ZNF507: variants seen among roughly 807,000 people sequenced by gnomAD.
ZNF507 encodes zinc finger protein 507.
In ZNF507, 29 loss-of-function variants were observed where a neutral mutation model predicts 80.0. The observed-to-expected ratio is 0.36, with a 90% CI of 0.27 to 0.49. The LOEUF (loss-of-function observed/expected upper bound fraction) is 0.49. Ranked by LOEUF, ZNF507 falls within the 20% of genes least tolerant of loss-of-function variation. ZNF507 has a pLI of 0.98. For synonymous variants in ZNF507, 462 were observed against 422.5 expected (o/e 1.09, Z -1.15); for missense variants, 1,081 against 1,152.2 (o/e 0.94, Z 0.90).
At chr19:32,366,668 C>A (rs1967403381) in intron 5 of ZNF507, among the ~76,000 whole-genome samples, 1 of 152,192 alleles carries the variant, frequency 6.6e-6, no homozygotes, top group Non-Finnish European at 1.5e-5. Context: ...ACCATTTTAA[C>A]ATTCTTTTAC....
intron 4 of ZNF507, chr19:32,357,780 C>G (rs1457002463): frequency 6.6e-6 from 1 of 152,096 alleles, no homozygotes; most frequent in East Asian, 1.9e-4. Flanking sequence ...TTCCATATCC[C>G]CTTTAAAGGA....
intron 5 of ZNF507, among the ~76,000 whole-genome samples, chr19:32,363,766 C>T (rs933459624): frequency 7.9e-5 from 12 of 152,188 alleles, no homozygotes; most frequent in African/African-American, 1.7e-4. Flanking sequence ...CTGATGACCT[C>T]TAAACACTAG....
intron 5 of ZNF507, among the ~76,000 whole-genome samples, chr19:32,362,700 A>T (rs1463602938): frequency 1.3e-5 from 2 of 152,234 alleles, no homozygotes; most frequent in Non-Finnish European, 2.9e-5. Context: ...ACAGATTCAT[A>T]GGATTCATTG....
intron 5 of ZNF507, among the ~76,000 whole-genome samples, chr19:32,377,232 C>T (rs528894505): frequency 2.0e-5 from 3 of 152,208 alleles, no homozygotes; most frequent in East Asian, 1.9e-4. Flanking sequence ...TTGACACTGA[C>T]GCTACCGCTA....
chr19:32,365,030 A>G (rs916387814), intron 5 of ZNF507, among the ~76,000 whole-genome samples: 1 of 152,124 alleles, frequency 6.6e-6, no homozygotes, highest in Non-Finnish European at 1.5e-5. Context: ...GTGGTATCAC[A>G]CTGTGGTTTT....
chr19:32,364,813 T>C lies in ZNF507; in HGVS notation c.2360+4195T>C, dbSNP rs148372697. ...TATAAACTTGCGCGTGCAAGCATCT[T>C]TTTCCAATAATGACTTCTTTTCCTG... On this transcript the variant is annotated intron_variant, in intron 5 of 6. Coordinates refer to ENST00000355898, the MANE Select transcript of ZNF507 (RefSeq NM_001136156.2). 5.8e-3 allele frequency among the ~76,000 whole-genome samples: 885 copies of C among 152,320 alleles called. 5 individuals carry two copies. Among genetic ancestry groups the C allele is most frequent in the Middle Eastern group, 0.01 (3 of 294 alleles).
intron 5 of ZNF507, among the ~76,000 whole-genome samples, chr19:32,378,045 C>A (rs1409141284): frequency 6.6e-6 from 1 of 152,072 alleles, no homozygotes; most frequent in African/African-American, 2.4e-5. Context: ...TCAGATCTGT[C>A]AAGGGCATTA....
Position 32,354,126 on chromosome 19 carries a change from G to T in ZNF507, c.1296G>T (p.Gln432His), listed in dbSNP as rs12327571. The change falls in exon 3 of 7, where the codon CAG becomes CAT. Residue 432 changes from glutamine to histidine, a missense_variant. Around this residue, in one of 6 missense-constraint regions of ZNF507, gnomAD observed 614 missense variants for 583.9 expected, o/e 1.05. Coordinates refer to ENST00000355898, the MANE Select transcript of ZNF507 (RefSeq NM_001136156.2). ...AGGACCTGAGCCTGACAGAAGCTCA[G>T]ATTGGGCGCGAAGGAATGGATGATG... ...EGKDLSLTEA[Q>H]IGREGMDDVY... 6.2e-7 allele frequency: 1 copy of T among 1,613,458 alleles called. No homozygotes were observed. Among genetic ancestry groups the T allele is most frequent in the East Asian group, 2.2e-5 (1 of 44,876 alleles).
chr19:32,360,756 T>G (rs1390370132), intron 5 of ZNF507, 138 bp downstream of exon 5: 2 of 456,896 alleles, frequency 4.4e-6, no homozygotes, highest in Non-Finnish European at 7.4e-6. Flanking sequence ...GGTTTTATAT[T>G]TTGTTGTTTT....
chr19:32,369,661 G>A (rs1021000552), intron 5 of ZNF507, among the ~76,000 whole-genome samples: 2 of 151,400 alleles, frequency 1.3e-5, no homozygotes, highest in African/African-American at 2.4e-5. Flanking sequence ...ACATGTTATT[G>A]TATATATTGG....
At chr19:32,364,490 C>T (rs888507889) in intron 5 of ZNF507, among the ~76,000 whole-genome samples, 1 of 152,118 alleles carries the variant, frequency 6.6e-6, no homozygotes, top group Non-Finnish European at 1.5e-5. Flanking sequence ...GCCCTCCTCC[C>T]ACTCTTTCCC....
chr19:32,355,162 G>A (rs1166607513), intron 3 of ZNF507, among the ~76,000 whole-genome samples: 3 of 152,076 alleles, frequency 2.0e-5, no homozygotes, highest in African/African-American at 7.2e-5. Flanking sequence ...CCTTTTCCCT[G>A]CCTGCTGCCT....
rs540545037 is a variant in ZNF507, at chr19:32,386,034, G to A, written c.*2951G>A. 5.3e-5 allele frequency: 8 copies of A among 152,304 alleles called. No homozygotes were observed. In the South Asian group the frequency reaches 1.7e-3, roughly 32 times the overall value. 9.4% of individuals were successfully genotyped at this position (152,304 alleles called of 1,614,324 possible). ...GATGATGCATTCTGATCATTATAAAGAATACTTTTCAGGGCTCTATCATTT... is the reference window on the plus strand; with the variant it reads ...GATGATGCATTCTGATCATTATAAAAAATACTTTTCAGGGCTCTATCATTT... On this transcript the variant is annotated 3_prime_UTR_variant, in exon 7 of 7. Coordinates refer to ENST00000355898, the MANE Select transcript of ZNF507 (RefSeq NM_001136156.2).
intron 5 of ZNF507, among the ~76,000 whole-genome samples, chr19:32,368,073 C>T (rs1967422839): frequency 1.3e-5 from 2 of 152,134 alleles, no homozygotes; most frequent in South Asian, 4.1e-4. Flanking sequence ...AACTCTTGCT[C>T]CTAATAACTG....
In ZNF507 at chr19:32,360,590, C is replaced by T. The variant is rs746090534; in HGVS notation, c.2332C>T (p.Arg778Ter). The stretch of plus-strand genomic sequence containing the variant: ...ATATGTTGGTGTCAGAAACCACAGG[C>T]GAATCCATAACTCTGATAAGCCGTA... ...TTYVGVRNHR[R>*]IHNSDKPYRC... Residue 778 changes from arginine to a stop codon, truncating the protein, a stop_gained, in exon 5 of 7, where the codon CGA becomes TGA. Coordinates refer to ENST00000355898, the MANE Select transcript of ZNF507 (RefSeq NM_001136156.2). LOFTEE classifies it high-confidence loss of function. 2 of 1,599,558 alleles carry T rather than the reference C, an allele frequency of 1.3e-6. No individual in the cohort carries two copies. Among genetic ancestry groups the T allele is most frequent in the Non-Finnish European group, 8.5e-7 (1 of 1,172,554 alleles).
At chr19:32,355,078 TTGA>T (rs754118733) in intron 3 of ZNF507, 121 bp downstream of exon 3, 26 of 1,023,730 alleles carry the variant, frequency 2.5e-5, no homozygotes, top group Non-Finnish European at 3.4e-5. Flanking sequence ...CCAGAAAAGT[TTGA>T]TAAGTTGCCC....
intron 2 of ZNF507, among the ~76,000 whole-genome samples, chr19:32,352,430 A>G (rs1967181581): frequency 6.6e-6 from 1 of 151,870 alleles, no homozygotes; most frequent in Non-Finnish European, 1.5e-5. Flanking sequence ...GGGGTTTCAC[A>G]TGCCTTGAGA....
chr19:32,382,534 A>G lies in ZNF507; in HGVS notation c.2428A>G (p.Ser810Gly), dbSNP rs1967636800. ...GAAGTCTCATATGTGGAAACATGCA[A>G]GTGACCAAAATTACAACTACGAACA... ...SLKSHMWKHA[S>G]DQNYNYEQVN... Residue 810 changes from serine (S) to glycine (G), a missense_variant, in exon 6 of 7, where the codon AGT becomes GGT. By Grantham distance (56) the Ser-to-Gly change is moderately conservative. Coordinates refer to ENST00000355898, the MANE Select transcript of ZNF507 (RefSeq NM_001136156.2). The G allele has an allele frequency of 6.2e-7, 1 of 1,614,050 alleles. No homozygotes were observed. Among genetic ancestry groups the G allele is most frequent in the Non-Finnish European group, 8.5e-7 (1 of 1,180,022 alleles).
rs1179889913 is a variant in ZNF507 at position 32,385,622 on chromosome 19, C to A, written c.*2539C>A. 1 of 152,230 alleles carries A rather than the reference C, an allele frequency of 6.6e-6. No homozygotes were observed. Among genetic ancestry groups the A allele is most frequent in the Non-Finnish European group, 1.5e-5 (1 of 68,076 alleles). 9.4% of individuals were successfully genotyped at this position (152,230 alleles called of 1,614,324 possible). On this transcript the variant is annotated 3_prime_UTR_variant, in exon 7 of 7. Transcript: ENST00000355898. ...TTGAGTCCAGAAGTTTAAGACCAGC[C>A]TGGGCAACACGGGGAGACCCTGTCT... is the stretch of plus-strand genomic sequence containing the variant.
Sources: allele counts gnomAD v4.1 joint callset (sites outside exome capture counted in the v4.1 genomes callset), GRCh38; gene constraint gnomAD v4.1.1; regional missense constraint gnomAD v4.1.1; transcripts MANE v1.5; gene names NCBI Gene and HGNC (gene_info 2026-07-23, HGNC 2026-07-21).